The following PCDHGB7 variants were observed in gnomAD, a reference collection of about 807,000 sequenced individuals.
PCDHGB7 encodes the protein protocadherin gamma-B7.
Under a neutral mutation model 61.4 loss-of-function variants are expected in PCDHGB7, and 37 were observed. That is an observed-to-expected ratio of 0.60 (90% CI 0.46 to 0.79). The LOEUF is 0.79. Among genes scored for constraint, PCDHGB7 ranks in the 30% least tolerant of loss-of-function variants. The probability of loss-of-function intolerance (pLI) is 0.00; values close to 1 mark genes in which losing one functional copy is unlikely to be tolerated. For missense variants in PCDHGB7, 1,166 were observed against 1,202.5 expected (o/e 0.97, Z 0.45); for synonymous variants, 464 against 503.5 (o/e 0.92, Z 1.05).
intron 1 of PCDHGB7, among the ~76,000 whole-genome samples, chr5:141,448,001 G>A (rs143950707): frequency 0.046 from 7,030 of 151,928 alleles, 245 homozygotes; most frequent in African/African-American, 0.093. Context: ...CATGAGAATC[G>A]CTTGAACCCA....
In PCDHGB7 at chr5:141,432,782, C is replaced by A. The variant is rs547164205; in HGVS notation, c.2415+12508C>A. 6.2e-7 allele frequency: 1 copy of A among 1,614,164 alleles called. No homozygotes were observed. Among genetic ancestry groups the A allele is most frequent in the African/African-American group, 1.3e-5 (1 of 75,052 alleles). ...CAGCATCCCCCAAGTCCTGGCGGAC[C>A]TCGGCAGCCTCGAGTCTCCAGCTAA... On this transcript the variant is annotated intron_variant, in intron 1 of 3. Coordinates refer to ENST00000398594, the MANE Select transcript of PCDHGB7 (RefSeq NM_018927.4). This position sits in a 1 kb window ranked among gnomAD's most constrained non-coding sequence, Gnocchi z 6.0.
intron 1 of PCDHGB7, among the ~76,000 whole-genome samples, chr5:141,467,628 CA>C (rs1301043003): frequency 6.6e-6 from 1 of 152,106 alleles, no homozygotes; most frequent in Non-Finnish European, 1.5e-5. Context: ...TTTGAGATAG[CA>C]TCTTTATCAT....
intron 1 of PCDHGB7, among the ~76,000 whole-genome samples, chr5:141,488,305 T>C (rs1452293355): frequency 6.6e-6 from 1 of 152,234 alleles, no homozygotes; most frequent in African/African-American, 2.4e-5. Context: ...AAATCACTTA[T>C]GTCAGAAAAC....
chr5:141,458,970 C>T (rs1260904595), intron 1 of PCDHGB7, among the ~76,000 whole-genome samples: 1 of 152,170 alleles, frequency 6.6e-6, no homozygotes, highest in Admixed American at 6.6e-5. Flanking sequence ...CAGCCTCAAG[C>T]AGTCCTCCTG....
rs1036281905 is a variant in PCDHGB7 at position 141,493,555 on chromosome 5, T to C, written c.2416-1252T>C. ...GCCAGTTATCCTTTTGGAGATTGAG[T>C]TCCCCCAGCTCCGTTTCCTCCTATC... On this transcript the variant is annotated intron_variant, in intron 1 of 3. Transcript: ENST00000398594. This position sits in a 1 kb window ranked among gnomAD's most constrained non-coding sequence, Gnocchi z 4.3. Among the ~76,000 whole-genome samples, 3 of 152,012 alleles carry C rather than the reference T, an allele frequency of 2.0e-5. No individual in the cohort carries two copies. Among genetic ancestry groups the C allele is most frequent in the African/African-American group, 7.3e-5 (3 of 41,362 alleles).
intron 1 of PCDHGB7, among the ~76,000 whole-genome samples, chr5:141,482,104 A>T (rs11748215): frequency 0.23 from 34,477 of 150,324 alleles, 4,798 homozygotes; most frequent in African/African-American, 0.39. Context: ...AAAAAAAAAA[A>T]ATATCTAGAG....
Position 141,486,032 on chromosome 5 carries a change from G to C in PCDHGB7, c.2416-8775G>C, listed in dbSNP as rs560909128. The C allele has an allele frequency of 1.2e-6, 2 of 1,614,166 alleles. No individual in the cohort carries two copies. Among genetic ancestry groups the C allele is most frequent in the African/African-American group, 2.7e-5 (2 of 75,034 alleles). On this transcript the variant is annotated intron_variant, in intron 1 of 3. Transcript: ENST00000398594. This position sits in a 1 kb window ranked among gnomAD's most constrained non-coding sequence, Gnocchi z 5.0. ...CTTTTATTTCAGTGGTCATACCCCT[G>C]ATCGTGTAAGAAACCTCTTTAGCCT... is the stretch of plus-strand genomic sequence containing the variant.
chr5:141,423,628 A>G (rs1272272666), intron 1 of PCDHGB7: 2 of 1,604,848 alleles, frequency 1.2e-6, no homozygotes, highest in African/African-American at 1.3e-5. Context: ...CTCAGCTATC[A>G]TTTTAGGCAA....
At chr5:141,472,805 G>C (rs2099297767) in intron 1 of PCDHGB7, among the ~76,000 whole-genome samples, 1 of 151,688 alleles carries the variant, frequency 6.6e-6, no homozygotes, top group African/African-American at 2.4e-5. Context: ...GACCAACATG[G>C]AGAAACCCCC....
At chr5:141,433,289 G>C in intron 1 of PCDHGB7, 1 of 1,130,682 alleles carries the variant, frequency 8.8e-7, no homozygotes, top group Non-Finnish European at 1.3e-6. Context: ...AAACTCCTAG[G>C]CTCAAGCAAT....
chr5:141,486,153 C>A lies in PCDHGB7; in HGVS notation c.2416-8654C>A, dbSNP rs1330257915. On this transcript the variant is annotated intron_variant, in intron 1 of 3. Coordinates refer to ENST00000398594, the MANE Select transcript of PCDHGB7 (RefSeq NM_018927.4). This position sits in a 1 kb window ranked among gnomAD's most constrained non-coding sequence, Gnocchi z 5.0. ...GATGTGCGGGCTCGCGATGGGGGTTCTCCAGCCATGGAGCAACATTGCAGC... is the reference window on the plus strand; with the variant it reads ...GATGTGCGGGCTCGCGATGGGGGTTATCCAGCCATGGAGCAACATTGCAGC... 6.2e-7 allele frequency: 1 copy of A among 1,614,202 alleles called. No individual in the cohort carries two copies. The highest frequency in any genetic ancestry group is 1.7e-5 in the Admixed American group (1 of 60,022).
chr5:141,477,504 A>T lies in PCDHGB7; in HGVS notation c.2416-17303A>T, dbSNP rs1396003792. Reference sequence around the variant, plus strand: ...CCACAATCTTCTCAATCTTCCTACGACGTTTACATTGAAGAAAACAACCTC... The same window carrying T: ...CCACAATCTTCTCAATCTTCCTACGTCGTTTACATTGAAGAAAACAACCTC... On this transcript the variant is annotated intron_variant, in intron 1 of 3. Coordinates refer to ENST00000398594, the MANE Select transcript of PCDHGB7 (RefSeq NM_018927.4). This position sits in a 1 kb window ranked among gnomAD's most constrained non-coding sequence, Gnocchi z 4.9. The T allele has an allele frequency of 4.3e-6, 7 of 1,613,982 alleles. No homozygotes were observed. In the Admixed American group the frequency reaches 8.3e-5, roughly 19 times the overall value.
rs2096202372 is a variant in PCDHGB7 at position 141,417,979 on chromosome 5, G to C, written c.120G>C (p.Glu40Asp). ...CGATCCGCTACTCGATTCCGGAGGA[G>C]CTGGCCAAGGGCTCGGTGGTGGGGA... ...CEPIRYSIPE[E>D]LAKGSVVGNL... Residue 40 changes from glutamate to aspartate, a missense_variant, in exon 1 of 4, where the codon GAG (glutamate) becomes GAC (aspartate). Glu to Asp is a conservative substitution (Grantham distance 45). Transcript: ENST00000398594. The C allele has an allele frequency of 6.2e-7, 1 of 1,613,752 alleles. No individual in the cohort carries two copies. The highest frequency in any genetic ancestry group is 1.7e-5 in the Admixed American group (1 of 60,000).
In PCDHGB7 at chr5:141,420,022, TA is replaced by T. The variant is rs2096459209; in HGVS notation, c.2164del (p.Thr722LeufsTer40). 1 of 1,613,986 alleles carries T rather than the reference TA, an allele frequency of 6.2e-7. No individual in the cohort carries two copies. On this transcript the variant is annotated frameshift_variant, in exon 1 of 4. Transcript: ENST00000398594. LOFTEE classifies it high-confidence loss of function. ...TACGCCTGCGACAGTCTTTCAGCCC[TA>T]CTGCAGGAGACTGCTTTGAGTCAGT... Reference protein sequence around the residue: ...ALRLRQSFSPTAGDCFESVLC... With the variant: ...ALRLRQSFSPXAGDCFESVLC...
intron 1 of PCDHGB7, chr5:141,433,208 C>CT (rs745329085): frequency 0.022 from 27,155 of 1,216,152 alleles, no homozygotes; most frequent in Non-Finnish European, 0.026. Flanking sequence ...AATCTTCTTT[C>CT]TTTTTTTTTT....
At chr5:141,447,121 T>C (rs1341601610) in intron 1 of PCDHGB7, among the ~76,000 whole-genome samples, 1 of 152,104 alleles carries the variant, frequency 6.6e-6, no homozygotes, top group Non-Finnish European at 1.5e-5. Flanking sequence ...CTCCATGGAT[T>C]TTTTTGTTTG....
chr5:141,507,101 T>C (rs1341285140), intron 3 of PCDHGB7: 2 of 152,204 alleles, frequency 1.3e-5, no homozygotes, highest in African/African-American at 2.4e-5. Flanking sequence ...CTTTCTACTA[T>C]AGGGACCATG....
Position 141,477,991 on chromosome 5 carries a change from T to C in PCDHGB7, c.2416-16816T>C, listed in dbSNP as rs774877878. On this transcript the variant is annotated intron_variant, in intron 1 of 3. Transcript: ENST00000398594. The surrounding 1 kb of genome is among the most constrained non-coding windows in gnomAD (Gnocchi z 4.9). The stretch of plus-strand genomic sequence containing the variant: ...GCCTTTTTGCCATAGGGCTGCACAC[T>C]GGTCAAATCAGTACTGCCCGTCCAG... 2 of 1,614,134 alleles carry C rather than the reference T, an allele frequency of 1.2e-6. No individual in the cohort carries two copies. Among genetic ancestry groups the C allele is most frequent in the South Asian group, 2.2e-5 (2 of 91,082 alleles).
At position 141,476,581 on chromosome 5, in the gene PCDHGB7, G is replaced by A. The variant is rs1393235114; in HGVS notation, c.2416-18226G>A. The A allele has an allele frequency of 5.0e-6, 8 of 1,614,230 alleles. No individual in the cohort carries two copies. The highest frequency in any genetic ancestry group is 6.8e-6 in the Non-Finnish European group (8 of 1,180,042). ...CCGTGGCTCCGGGGACGCGCTTTCC[G>A]CTCGAGAGCGCGCACGATCCCGATG... On this transcript the variant is annotated intron_variant, in intron 1 of 3. Transcript: ENST00000398594. This position sits in a 1 kb window ranked among gnomAD's most constrained non-coding sequence, Gnocchi z 7.6.
Sources: gnomAD v4.1 joint callset for allele counts (sites outside exome capture counted in the v4.1 genomes callset) on GRCh38, gnomAD v4.1.1 for gene constraint, Gnocchi (gnomAD v3.1) non-coding constraint, MANE v1.5 for transcripts, NCBI Gene and HGNC (gene_info 2026-07-23, HGNC 2026-07-21) for gene names.